Variants in SYT14 observed in about 807,000 individuals in gnomAD.
SYT14 encodes synaptotagmin-14.
SYT14 carries 32 observed loss-of-function variants against 74.2 expected under a neutral mutation model. That is an observed-to-expected ratio of 0.43 (90% CI 0.33 to 0.58). The LOEUF (loss-of-function observed/expected upper bound fraction) is 0.58, where lower values mean the gene tolerates loss of function less well. SYT14 is among the 20% of genes least tolerant of loss of function. SYT14 has a pLI of 0.05. For missense variants in SYT14, 791 were observed against 981.8 expected, an observed-to-expected ratio of 0.81 and a Z score of 2.60; for synonymous variants, 298 against 337.7, an observed-to-expected ratio of 0.88 and a Z score of 1.29.
intron 6 of SYT14, among the ~76,000 whole-genome samples, chr1:210,097,136 G>A (rs1408014915): frequency 3.3e-5 from 5 of 152,184 alleles, no homozygotes; most frequent in Non-Finnish European, 5.9e-5. Flanking sequence ...TGTGAATGCC[G>A]ATAGCCTATG....
At chr1:210,158,887 C>T (rs564803912) in intron 8 of SYT14, among the ~76,000 whole-genome samples, 77 of 152,120 alleles carry the variant, frequency 5.1e-4, no homozygotes, top group African/African-American at 1.8e-3. Flanking sequence ...AGGTTCTAAG[C>T]TTTGAACTAT....
chr1:209,992,303 C>T (rs1407345962), intron 2 of SYT14, among the ~76,000 whole-genome samples: 2 of 152,040 alleles, frequency 1.3e-5, no homozygotes, highest in African/African-American at 4.8e-5. Context: ...CACCACCACA[C>T]CTGGCTAAAA....
rs774044278 is a variant in SYT14, at chr1:209,971,836, C to G, written c.-486+19080C>G. Among the ~76,000 whole-genome samples the G allele has an allele frequency of 4.6e-5, 7 of 152,058 alleles. No individual in the cohort carries two copies. In the South Asian group the frequency reaches 8.3e-4, roughly 18 times the overall value. On this transcript the variant is annotated intron_variant, in intron 2 of 9. Coordinates refer to ENST00000637265, the Ensembl canonical transcript of SYT14. ...GTCTGTGTTCTTCAGGGATATTGGC[C>G]TGAAGTTTTCTTTTTTTGTTGTATT...
intron 7 of SYT14, among the ~76,000 whole-genome samples, chr1:210,144,362 C>G (rs2082985357): frequency 6.6e-6 from 1 of 152,094 alleles, no homozygotes; most frequent in South Asian, 2.1e-4. Flanking sequence ...AGTGATATAA[C>G]TATTAAGGAA....
intron 1 of SYT14, among the ~76,000 whole-genome samples, chr1:209,951,926 AC>A (rs963441552): frequency 1.3e-5 from 2 of 152,178 alleles, no homozygotes; most frequent in African/African-American, 2.4e-5. Context: ...TTTTAAGCAG[AC>A]AAAACCAAGC....
At chr1:210,016,860 A>C in exon 4 of SYT14, 1 of 1,231,842 alleles carries the variant, frequency 8.1e-7, no homozygotes, top group Non-Finnish European at 1.0e-6. Context: ...TCTTTAAAAG[A>C]TATTTTGACA....
chr1:210,091,191 G>A (rs1475692150), intron 5 of SYT14, among the ~76,000 whole-genome samples: 2 of 152,110 alleles, frequency 1.3e-5, no homozygotes, highest in Non-Finnish European at 2.9e-5. Context: ...ACTAGCGCCA[G>A]ATGCCTGGAG....
At chr1:210,089,935 C>A (rs1281085398) in intron 5 of SYT14, among the ~76,000 whole-genome samples, 1 of 152,220 alleles carries the variant, frequency 6.6e-6, no homozygotes, top group Non-Finnish European at 1.5e-5. Flanking sequence ...ATTTAAATAA[C>A]CTCTAGCGGT....
intron 7 of SYT14, among the ~76,000 whole-genome samples, chr1:210,124,668 T>G (rs2082531452): frequency 6.6e-6 from 1 of 152,234 alleles, no homozygotes; most frequent in Non-Finnish European, 1.5e-5. Context: ...AAACTTGATT[T>G]TCACTATATG....
intron 5 of SYT14, among the ~76,000 whole-genome samples, chr1:210,081,137 T>G (rs1424266454): frequency 2.0e-5 from 3 of 152,076 alleles, no homozygotes; most frequent in Non-Finnish European, 1.5e-5. Context: ...GGCTGAGAGA[T>G]AAAGCTGGAG....
intron 7 of SYT14, among the ~76,000 whole-genome samples, chr1:210,127,968 A>C (rs2082600229): frequency 6.6e-6 from 1 of 152,172 alleles, no homozygotes; most frequent in African/African-American, 2.4e-5. Flanking sequence ...CGGAGGTTGC[A>C]GATTGTGCCC....
intron 5 of SYT14, among the ~76,000 whole-genome samples, chr1:210,073,010 A>T (rs1201586818): frequency 0.024 from 2 of 82 alleles, no homozygotes; most frequent in East Asian, 0.5. Flanking sequence ...TGCAATCTGT[A>T]AAAAAAAAAA....
chr1:210,110,006 C>CT (rs2082232314), intron 7 of SYT14, among the ~76,000 whole-genome samples: 1 of 152,106 alleles, frequency 6.6e-6, no homozygotes, highest in Admixed American at 6.5e-5. Flanking sequence ...TCTCAGCAAA[C>CT]TAACACAGGA....
chr1:210,095,394 C>T (rs899197758), intron 6 of SYT14, among the ~76,000 whole-genome samples: 11 of 152,168 alleles, frequency 7.2e-5, no homozygotes, highest in Admixed American at 3.9e-4. Context: ...ACTGATACTA[C>T]AGGTGTGCAC....
At chr1:209,975,642 C>A in intron 2 of SYT14, among the ~76,000 whole-genome samples, 1 of 152,174 alleles carries the variant, frequency 6.6e-6, no homozygotes, top group East Asian at 1.9e-4. Context: ...CAATGTTCAT[C>A]AGGGATATTG....
At chr1:210,106,575 G>A (rs1372437363) in intron 7 of SYT14, among the ~76,000 whole-genome samples, 1 of 152,126 alleles carries the variant, frequency 6.6e-6, no homozygotes, top group African/African-American at 2.4e-5. Flanking sequence ...ACAAGGAGAA[G>A]TGCCAAGGAA....
chr1:210,032,082 A>G (rs2080549404), intron 5 of SYT14, among the ~76,000 whole-genome samples: 1 of 152,096 alleles, frequency 6.6e-6, no homozygotes, highest in South Asian at 2.1e-4. Flanking sequence ...AGAGTTAAGT[A>G]TCTTCCTTTT....
intron 7 of SYT14, among the ~76,000 whole-genome samples, chr1:210,143,839 T>C (rs35028401): frequency 0.082 from 12,455 of 152,196 alleles, 738 homozygotes; most frequent in Non-Finnish European, 0.12. Flanking sequence ...AGTGATATTT[T>C]ACTAACAAAT....
intron 5 of SYT14, among the ~76,000 whole-genome samples, chr1:210,022,350 T>G (rs2080321798): frequency 6.6e-6 from 1 of 152,232 alleles, no homozygotes; most frequent in South Asian, 2.1e-4. Flanking sequence ...ATGGTCATTA[T>G]GAGATTCAAG....
Sources: gnomAD v4.1 joint callset for allele counts (sites outside exome capture counted in the v4.1 genomes callset) on GRCh38, gnomAD v4.1.1 for gene constraint, MANE v1.5 for transcripts, NCBI Gene and HGNC (gene_info 2026-07-23, HGNC 2026-07-21) for gene names.